GPR89A: variants seen among roughly 807,000 people sequenced by gnomAD.
The protein encoded by GPR89A is G protein-coupled receptor 89A.
In GPR89A, 16 loss-of-function variants were observed where a neutral mutation model predicts 52.0. The observed-to-expected ratio is 0.31, with a 90% CI of 0.21 to 0.47. The LOEUF (loss-of-function observed/expected upper bound fraction) is 0.47. Among genes scored for constraint, GPR89A ranks in the 20% least tolerant of loss-of-function variants. GPR89A has a pLI of 1.00. For synonymous variants in GPR89A, 55 were observed against 150.9 expected (o/e 0.36, Z 4.66); for missense variants, 135 against 449.4 (o/e 0.30, Z 6.33).
chr1:145,611,225 ATTT>A (rs1648253814), intron 1 of GPR89A, among the ~76,000 whole-genome samples: 1 of 135,502 alleles, frequency 7.4e-6, no homozygotes, highest in Middle Eastern at 3.9e-3. Flanking sequence ...TTTATTTTAG[ATTT>A]GGTACTTGTG....
chr1:145,642,944 T>G (rs1650751384), intron 7 of GPR89A, among the ~76,000 whole-genome samples: 1 of 151,698 alleles, frequency 6.6e-6, no homozygotes, highest in Admixed American at 6.6e-5. Flanking sequence ...GGACCAGGAG[T>G]GGTAGGTTTC....
At chr1:145,662,773 T>G (rs1652291256) in intron 10 of GPR89A, among the ~76,000 whole-genome samples, 2 of 152,206 alleles carry the variant, frequency 1.3e-5, no homozygotes, top group Non-Finnish European at 2.9e-5. Context: ...TTGTTTCTTT[T>G]TTTTTAACGT....
intron 7 of GPR89A, among the ~76,000 whole-genome samples, chr1:145,639,755 A>AG (rs1438311469): frequency 1.3e-5 from 2 of 149,668 alleles, no homozygotes; most frequent in Non-Finnish European, 1.5e-5. Context: ...TCAAAAAAAA[A>AG]AAAAAGAAAA....
chr1:145,632,300 T>C (rs1649933953), intron 7 of GPR89A, among the ~76,000 whole-genome samples: 1 of 152,092 alleles, frequency 6.6e-6, no homozygotes, highest in Non-Finnish European at 1.5e-5. Context: ...TACATTATTA[T>C]TTATTATATT....
chr1:145,627,341 A>G (rs1294394630), intron 5 of GPR89A, among the ~76,000 whole-genome samples: 2 of 152,184 alleles, frequency 1.3e-5, no homozygotes, highest in African/African-American at 4.8e-5. Flanking sequence ...TTCAAATTTA[A>G]TAGCCCATAT....
At chr1:145,666,020 G>A (rs1652530315) in intron 12 of GPR89A, among the ~76,000 whole-genome samples, 1 of 141,902 alleles carries the variant, frequency 7.0e-6, no homozygotes, top group South Asian at 2.3e-4. Flanking sequence ...GGTACCATGA[G>A]ATAATTTTAC....
chr1:145,663,678 A>G (rs1415607118), intron 11 of GPR89A, among the ~76,000 whole-genome samples: 1 of 152,198 alleles, frequency 6.6e-6, no homozygotes, highest in Non-Finnish European at 1.5e-5. Context: ...ATTGTCATGG[A>G]TGCTGATTAT....
At chr1:145,609,394 C>T (rs1571453511) in intron 1 of GPR89A, among the ~76,000 whole-genome samples, 1 of 152,166 alleles carries the variant, frequency 6.6e-6, no homozygotes, top group African/African-American at 2.4e-5. Flanking sequence ...ATAGTTTTTT[C>T]ATTTTTAAAA....
At chr1:145,659,636 C>CT (rs1652056771) in intron 10 of GPR89A, among the ~76,000 whole-genome samples, 1 of 137,096 alleles carries the variant, frequency 7.3e-6, no homozygotes, top group African/African-American at 2.8e-5. Context: ...ATCTATATCT[C>CT]TGTTTTGGTA....
At chr1:145,654,325 G>A (rs1429361567) in intron 10 of GPR89A, among the ~76,000 whole-genome samples, 4 of 151,836 alleles carry the variant, frequency 2.6e-5, no homozygotes, top group Non-Finnish European at 1.5e-5. Context: ...AGGCCGAGGC[G>A]GGCAGATCAC....
chr1:145,616,211 A>G (rs200178913), intron 1 of GPR89A, 23 bp from the exon 2 acceptor site: 463 of 1,594,778 alleles, frequency 2.9e-4, no homozygotes, highest in Non-Finnish European at 3.8e-4. Context: ...ATGTATTGAC[A>G]TTCTATTTTC....
chr1:145,660,424 G>A (rs1249493313), intron 10 of GPR89A, among the ~76,000 whole-genome samples: 4 of 152,082 alleles, frequency 2.6e-5, no homozygotes, highest in Admixed American at 1.3e-4. Context: ...CATACCAAAA[G>A]CAATGGCAAC....
At chr1:145,649,728 T>C (rs1264089434) in intron 10 of GPR89A, among the ~76,000 whole-genome samples, 1 of 149,416 alleles carries the variant, frequency 6.7e-6, no homozygotes, top group Admixed American at 6.7e-5. Context: ...AACAGCCAAC[T>C]CTTTTCCAAA....
intron 3 of GPR89A, among the ~76,000 whole-genome samples, chr1:145,621,697 C>T (rs1301329223): frequency 3.3e-5 from 5 of 151,232 alleles, no homozygotes; most frequent in African/African-American, 9.7e-5. Flanking sequence ...GACTGGGACT[C>T]GTATCTAGAA....
At chr1:145,654,844 A>C (rs1322724107) in intron 10 of GPR89A, among the ~76,000 whole-genome samples, 1 of 152,116 alleles carries the variant, frequency 6.6e-6, no homozygotes, top group African/African-American at 2.4e-5. Context: ...CTGTATTGCT[A>C]GGTTGGGGAA....
intron 1 of GPR89A, among the ~76,000 whole-genome samples, chr1:145,614,323 T>C (rs1239152269): frequency 6.6e-6 from 1 of 152,122 alleles, no homozygotes; most frequent in East Asian, 1.9e-4. Context: ...TGTTTTACAA[T>C]ATCATGTATG....
intron 10 of GPR89A, among the ~76,000 whole-genome samples, chr1:145,647,886 T>TAG (rs1651157972): frequency 5.3e-5 from 3 of 56,086 alleles, no homozygotes; most frequent in African/African-American, 1.8e-4. Context: ...TCTCTATATA[T>TAG]ATATATATAT....
chr1:145,650,307 A>ACAT (rs1420856462), intron 10 of GPR89A, among the ~76,000 whole-genome samples: 1 of 150,460 alleles, frequency 6.6e-6, no homozygotes, highest in Admixed American at 6.7e-5. Flanking sequence ...CCTGCAAAGG[A>ACAT]CATGATCTCA....
At chr1:145,647,144 A>G (rs1553692707) in intron 9 of GPR89A, 31 bp from the exon 10 acceptor site, 1 of 1,541,454 alleles carries the variant, frequency 6.5e-7, no homozygotes, top group East Asian at 2.4e-5. Flanking sequence ...TATTTTGCTG[A>G]AAACTATGTT....
Sources: allele counts gnomAD v4.1 joint callset (sites outside exome capture counted in the v4.1 genomes callset), GRCh38; gene constraint gnomAD v4.1.1; transcripts MANE v1.5; gene names NCBI Gene and HGNC (gene_info 2026-07-23, HGNC 2026-07-21).